The following ATP2B1 variants were observed in gnomAD, a reference collection of about 807,000 sequenced individuals.
ATP2B1 encodes the protein plasma membrane calcium-transporting ATPase 1.
A neutral mutation model predicts 124.2 loss-of-function variants in ATP2B1; 14 were observed. The ratio of observed to expected loss-of-function variants is 0.11; its 90% CI spans 0.07 to 0.18. The LOEUF (loss-of-function observed/expected upper bound fraction) is 0.18, where lower values mean the gene tolerates loss of function less well. Among genes scored for constraint, ATP2B1 ranks in the 10% least tolerant of loss-of-function variants. The probability of loss-of-function intolerance (pLI) is 1.00; values close to 1 mark genes in which losing one functional copy is unlikely to be tolerated. For synonymous variants in ATP2B1, 449 were observed against 492.4 expected (o/e 0.91, Z 1.17); for missense variants, 763 against 1,466.1 (o/e 0.52, Z 7.83).
At chr12:89,602,914 T>A in intron 18 of ATP2B1, 129 bp downstream of exon 18, 1 of 763,664 alleles carries the variant, frequency 1.3e-6, no homozygotes, top group Non-Finnish European at 2.1e-6. Flanking sequence ...TAAATCACCA[T>A]GATATTATAT....
chr12:89,669,423 T>C (rs1382838986), intron 1 of ATP2B1, among the ~76,000 whole-genome samples: 1 of 152,198 alleles, frequency 6.6e-6, no homozygotes, highest in African/African-American at 2.4e-5. Context: ...AGAGGATGCC[T>C]GACCTGACAC....
chr12:89,609,864 CAACAAACAAACA>C (rs370724894), intron 15 of ATP2B1, 61 bp downstream of exon 15: 16 of 1,365,442 alleles, frequency 1.2e-5, no homozygotes, highest in African/African-American at 4.3e-5. Flanking sequence ...GTAATTTAGT[CAACAAACAAACA>C]AACAAACAAA....
rs748824002 is a variant in ATP2B1 at position 89,661,426 on chromosome 12, T to C, written c.-221-5319A>G. On this transcript the variant is annotated intron_variant, in intron 1 of 20. Coordinates refer to ENST00000428670, the MANE Select transcript of ATP2B1 (RefSeq NM_001366521.1). ...AGATCAAATCCAATAGTTCATTTTA[T>C]GGCCATTAAAACCAAACACTCATAA... 4.6e-5 allele frequency among the ~76,000 whole-genome samples: 7 copies of C among 152,352 alleles called. 1 individual carries two copies. Among genetic ancestry groups the C allele is most frequent in the Non-Finnish European group, 4.4e-5 (3 of 68,032 alleles).
At chr12:89,660,178 C>A (rs1435392370) in intron 1 of ATP2B1, among the ~76,000 whole-genome samples, 1 of 151,962 alleles carries the variant, frequency 6.6e-6, no homozygotes, top group Non-Finnish European at 1.5e-5. Flanking sequence ...TTTCTTAACG[C>A]ACTGTTGGGT....
chr12:89,596,210 T>C (rs770792701), intron 20 of ATP2B1, among the ~76,000 whole-genome samples: 9 of 152,086 alleles, frequency 5.9e-5, no homozygotes, highest in Non-Finnish European at 1.2e-4. Flanking sequence ...TAAATATTGG[T>C]AAATAAAAAC....
chr12:89,611,690 T>C (rs1878046991), intron 12 of ATP2B1: 1 of 215,470 alleles, frequency 4.6e-6, no homozygotes, highest in Non-Finnish European at 9.0e-6. Context: ...TCTTTTCTGG[T>C]TGGCTTTCTA....
intron 20 of ATP2B1, chr12:89,598,782 GA>G: frequency 2.0e-6 from 3 of 1,491,220 alleles, no homozygotes; most frequent in Non-Finnish European, 2.7e-6. Flanking sequence ...TGCTCAGCAA[GA>G]GAGAGAGAGA....
intron 2 of ATP2B1, among the ~76,000 whole-genome samples, chr12:89,643,240 G>GTA (rs1163894412): frequency 6.7e-6 from 1 of 150,164 alleles, no homozygotes; most frequent in Non-Finnish European, 1.5e-5. Flanking sequence ...GTATATATAT[G>GTA]TATATATACA....
chr12:89,693,086 C>T (rs1012707652), intron 1 of ATP2B1, among the ~76,000 whole-genome samples: 1 of 152,126 alleles, frequency 6.6e-6, no homozygotes, highest in African/African-American at 2.4e-5. Context: ...TATTTTCTAA[C>T]TGTTATTTCA....
chr12:89,660,009 A>G (rs548511608), intron 1 of ATP2B1, among the ~76,000 whole-genome samples: 4 of 152,182 alleles, frequency 2.6e-5, no homozygotes, highest in Admixed American at 1.3e-4. Flanking sequence ...CTAAATAAAT[A>G]TAAGAAAATA....
chr12:89,698,886 A>G (rs931882742), intron 1 of ATP2B1, among the ~76,000 whole-genome samples: 1 of 152,180 alleles, frequency 6.6e-6, no homozygotes, highest in South Asian at 2.1e-4. Context: ...ATAAATAGGT[A>G]AACACTCGGT....
At chr12:89,665,644 C>T (rs1407729562) in intron 1 of ATP2B1, among the ~76,000 whole-genome samples, 2 of 152,218 alleles carry the variant, frequency 1.3e-5, no homozygotes, top group Non-Finnish European at 2.9e-5. Flanking sequence ...ATTTTCCAGT[C>T]TCACTGGTGT....
chr12:89,592,056 G>T (rs984247183), intron 20 of ATP2B1, among the ~76,000 whole-genome samples: 8 of 152,088 alleles, frequency 5.3e-5, no homozygotes, highest in South Asian at 2.1e-4. Flanking sequence ...AAGACACAAA[G>T]TGTTAAAAGT....
At chr12:89,623,352 ATC>A (rs1880312790) in intron 9 of ATP2B1, among the ~76,000 whole-genome samples, 1 of 150,198 alleles carries the variant, frequency 6.7e-6, no homozygotes, top group Non-Finnish European at 1.5e-5. Flanking sequence ...TCCAAGCTAC[ATC>A]TTTTTTTTTT....
chr12:89,604,102 T>C (rs1876391090), intron 16 of ATP2B1, 53 bp downstream of exon 16: 2 of 1,533,932 alleles, frequency 1.3e-6, no homozygotes, highest in Non-Finnish European at 1.8e-6. Context: ...AGGCATTTAA[T>C]ATACTTTTTA....
intron 13 of ATP2B1, chr12:89,610,852 T>C (rs565888109): frequency 5.8e-6 from 2 of 344,016 alleles, no homozygotes; most frequent in African/African-American, 4.2e-5. Flanking sequence ...CATAAGAAGT[T>C]CAGAGAGTTT....
intron 2 of ATP2B1, among the ~76,000 whole-genome samples, chr12:89,653,383 G>A (rs930287162): frequency 4.4e-5 from 6 of 136,416 alleles, no homozygotes; most frequent in African/African-American, 1.7e-4. Context: ...TGCAAGCTCC[G>A]CTTCCCGGGT....
rs572772749 is a variant in ATP2B1 at position 89,633,685 on chromosome 12, G to C, written c.787+1093C>G. On this transcript the variant is annotated intron_variant, in intron 5 of 20. Coordinates refer to ENST00000428670, the MANE Select transcript of ATP2B1 (RefSeq NM_001366521.1). ...AAAGTTATGGTTAAACTTAGGTTTT[G>C]CTCTAAAGTTGTGATTCTAACTTAA... is the stretch of plus-strand genomic sequence containing the variant. Among the ~76,000 whole-genome samples, 78 of 152,012 alleles carry C rather than the reference G, an allele frequency of 5.1e-4. 2 individuals are homozygous for C. Among genetic ancestry groups the C allele is most frequent in the Non-Finnish European group, 2.5e-4 (17 of 67,976 alleles).
At chr12:89,644,085 G>C (rs938658219) in intron 2 of ATP2B1, among the ~76,000 whole-genome samples, 2 of 152,034 alleles carry the variant, frequency 1.3e-5, no homozygotes, top group African/African-American at 4.8e-5. Flanking sequence ...TCACACCACT[G>C]AACTCCAGCC....
Sources: gnomAD v4.1 joint callset for allele counts (sites outside exome capture counted in the v4.1 genomes callset) on GRCh38, gnomAD v4.1.1 for gene constraint, MANE v1.5 for transcripts, NCBI Gene and HGNC (gene_info 2026-07-23, HGNC 2026-07-21) for gene names.